The following ROBO1 variants were observed in gnomAD, a reference collection of about 807,000 sequenced individuals.
The protein encoded by ROBO1 is roundabout homolog 1.
In ROBO1, 149 loss-of-function variants were observed where a neutral mutation model predicts 195.9. The ratio of observed to expected loss-of-function variants is 0.76; its 90% CI spans 0.67 to 0.87. The LOEUF is 0.87. Among genes scored for constraint, ROBO1 ranks in the 40% least tolerant of loss-of-function variants. The pLI, the probability that ROBO1 is intolerant of heterozygous loss-of-function variation, is 0.00. For synonymous variants in ROBO1, 816 were observed against 733.2 expected (o/e 1.11, Z -1.82); for missense variants, 1,933 against 2,068.3 (o/e 0.93, Z 1.27).
chr3:78,639,978 T>C (rs1705836858), intron 21 of ROBO1, 80 bp from the exon 22 acceptor site: 1 of 1,181,700 alleles, frequency 8.5e-7, no homozygotes, highest in Non-Finnish European at 1.2e-6. Flanking sequence ...AATAAATTCC[T>C]CATCTTGTTA....
At chr3:79,758,909 C>T (rs1704549451) in intron 1 of ROBO1, among the ~76,000 whole-genome samples, 1 of 152,052 alleles carries the variant, frequency 6.6e-6, no homozygotes, top group Non-Finnish European at 1.5e-5. Context: ...TAATTTCTTT[C>T]CTTTATCAGA....
chr3:78,779,180 C>T (rs957437759), intron 4 of ROBO1, among the ~76,000 whole-genome samples: 1 of 152,106 alleles, frequency 6.6e-6, no homozygotes, highest in African/African-American at 2.4e-5. Context: ...CAATACCATT[C>T]AGGACATAGG....
At chr3:79,601,096 A>C (rs1326438251) in intron 1 of ROBO1, among the ~76,000 whole-genome samples, 1 of 151,936 alleles carries the variant, frequency 6.6e-6, no homozygotes, top group Non-Finnish European at 1.5e-5. Context: ...GCTTCTGGAA[A>C]ACTGGAAAAT....
chr3:79,445,724 C>G (rs1281288944), intron 2 of ROBO1, among the ~76,000 whole-genome samples: 1 of 149,540 alleles, frequency 6.7e-6, no homozygotes, highest in Non-Finnish European at 1.5e-5. Context: ...TGCAGTGGCG[C>G]GATATCGGCT....
rs145298873 is a variant in ROBO1, at chr3:79,595,882, C to T, written c.-50-5921G>A. Among the ~76,000 whole-genome samples the T allele has an allele frequency of 6.0e-3, 910 of 151,938 alleles. 3 individuals carry two copies. The highest frequency in any genetic ancestry group is 9.7e-3 in the Non-Finnish European group (662 of 67,902). On this transcript the variant is annotated intron_variant, in intron 1 of 30. Coordinates refer to ENST00000464233, the MANE Select transcript of ROBO1 (RefSeq NM_002941.4). Reference sequence around the variant, plus strand: ...TCCTAGTCTTAATAAAGAGAATAACCGTGGCTTGTAGAGTAAATTGCTATG... The same window carrying T: ...TCCTAGTCTTAATAAAGAGAATAACTGTGGCTTGTAGAGTAAATTGCTATG...
chr3:79,675,299 G>T (rs1300648728), intron 1 of ROBO1, among the ~76,000 whole-genome samples: 3 of 152,046 alleles, frequency 2.0e-5, no homozygotes, highest in Non-Finnish European at 2.9e-5. Flanking sequence ...CATTAGTTTA[G>T]TGTTAAATAT....
chr3:79,494,964 G>T (rs961902772), intron 2 of ROBO1, among the ~76,000 whole-genome samples: 24 of 152,028 alleles, frequency 1.6e-4, no homozygotes, highest in Non-Finnish European at 2.9e-4. Flanking sequence ...TCTACACTTT[G>T]TTTTACTTTC....
chr3:78,750,001 C>G (rs1308271172), intron 4 of ROBO1, among the ~76,000 whole-genome samples: 2 of 152,072 alleles, frequency 1.3e-5, no homozygotes, highest in Admixed American at 1.3e-4. Context: ...AAGATTGTAA[C>G]AATATAATGT....
chr3:78,842,239 A>G (rs1452562491), intron 4 of ROBO1, among the ~76,000 whole-genome samples: 4 of 129,792 alleles, frequency 3.1e-5, no homozygotes, highest in Non-Finnish European at 4.8e-5. Context: ...ATATTTATAT[A>G]TATGAGCCAT....
At chr3:78,628,605 C>T (rs1349911187) in intron 25 of ROBO1, among the ~76,000 whole-genome samples, 1 of 152,148 alleles carries the variant, frequency 6.6e-6, no homozygotes, top group Non-Finnish European at 1.5e-5. Flanking sequence ...TGTTCATTCT[C>T]TACCATCCAC....
At chr3:78,730,700 G>A (rs1402007025) in intron 5 of ROBO1, among the ~76,000 whole-genome samples, 1 of 152,072 alleles carries the variant, frequency 6.6e-6, no homozygotes, top group Admixed American at 6.6e-5. Context: ...CTCCTTTGTT[G>A]AACACGAGAT....
At chr3:79,720,458 A>G (rs912128111) in intron 1 of ROBO1, among the ~76,000 whole-genome samples, 4 of 152,192 alleles carry the variant, frequency 2.6e-5, no homozygotes, top group Admixed American at 6.6e-5. Context: ...ACCTCATGAG[A>G]GAGACCTCAG....
chr3:79,642,554 C>G (rs1175850290), intron 1 of ROBO1, among the ~76,000 whole-genome samples: 3 of 151,916 alleles, frequency 2.0e-5, no homozygotes, highest in African/African-American at 7.3e-5. Context: ...ATAAAGAAGC[C>G]CCAGTTCATC....
chr3:78,860,809 G>A (rs2034785657), intron 4 of ROBO1, among the ~76,000 whole-genome samples: 3 of 152,084 alleles, frequency 2.0e-5, no homozygotes, highest in Non-Finnish European at 4.4e-5. Flanking sequence ...TTTTCCTAGA[G>A]AGGAAACTTT....
intron 4 of ROBO1, among the ~76,000 whole-genome samples, chr3:78,805,489 A>G (rs1224892519): frequency 6.6e-6 from 1 of 152,084 alleles, no homozygotes; most frequent in Non-Finnish European, 1.5e-5. Flanking sequence ...CTTTTACTAA[A>G]CAAATGTATC....
chr3:78,696,926 C>A (rs951786857), intron 8 of ROBO1, among the ~76,000 whole-genome samples: 2 of 151,432 alleles, frequency 1.3e-5, no homozygotes, highest in African/African-American at 4.9e-5. Context: ...AAGGGTAAAC[C>A]AATTTTAATT....
chr3:78,928,431 T>C (rs2039330640), intron 4 of ROBO1, among the ~76,000 whole-genome samples: 1 of 152,064 alleles, frequency 6.6e-6, no homozygotes, highest in Non-Finnish European at 1.5e-5. Flanking sequence ...TAAGTGTTAA[T>C]TACTTTTTAA....
intron 3 of ROBO1, among the ~76,000 whole-genome samples, chr3:78,990,818 G>C (rs997945984): frequency 6.6e-6 from 1 of 152,108 alleles, no homozygotes; most frequent in East Asian, 1.9e-4. Flanking sequence ...CTGAATGAGT[G>C]AAAAGAACAG....
In ROBO1 at chr3:79,035,729, T is replaced by TA. The variant is rs778129211; in HGVS notation, c.172+89726dup. Among the ~76,000 whole-genome samples, 679 of 136,216 alleles carry TA rather than the reference T, an allele frequency of 5.0e-3. 4 individuals carry two copies. The highest frequency in any genetic ancestry group is 0.015 in the African/African-American group (549 of 37,198). The allele number at this position is 136,216 out of a possible 152,430, so 89.4% of individuals were successfully genotyped here. On this transcript the variant is annotated intron_variant, in intron 3 of 30. Transcript: ENST00000464233. ...CTGGGCAACAGTACGAGACTTTATC[T>TA]AAAAAAAAAAAAAGCATTAATAAGA... is the stretch of plus-strand genomic sequence containing the variant.
Sources: allele counts gnomAD v4.1 joint callset (sites outside exome capture counted in the v4.1 genomes callset), GRCh38; gene constraint gnomAD v4.1.1; transcripts MANE v1.5; gene names NCBI Gene and HGNC (gene_info 2026-07-23, HGNC 2026-07-21).